MACROD2: variants seen among roughly 807,000 people sequenced by gnomAD.
MACROD2 encodes the protein ADP-ribose glycohydrolase MACROD2.
A neutral mutation model predicts 70.4 loss-of-function variants in MACROD2; 36 were observed. That is an observed-to-expected ratio of 0.51 (90% CI 0.39 to 0.68). The LOEUF (loss-of-function observed/expected upper bound fraction) is 0.68, where lower values mean the gene tolerates loss of function less well. Ranked by LOEUF, MACROD2 falls within the 30% of genes least tolerant of loss-of-function variation. The pLI is 0.00. For synonymous variants in MACROD2, 172 were observed against 178.8 expected (o/e 0.96, Z 0.30); for missense variants, 496 against 538.4 (o/e 0.92, Z 0.78).
At chr20:16,046,074 GC>G (rs542131484) in intron 17 of MACROD2, among the ~76,000 whole-genome samples, 10 of 152,032 alleles carry the variant, frequency 6.6e-5, no homozygotes, top group Non-Finnish European at 1.5e-4. Context: ...TGACACCCTT[GC>G]CCCCTGTACC....
chr20:14,865,247 A>C (rs387455), intron 5 of MACROD2, among the ~76,000 whole-genome samples: 1 of 151,916 alleles, frequency 6.6e-6, no homozygotes, highest in Non-Finnish European at 1.5e-5. Flanking sequence ...CCATGATGCT[A>C]TCTCCTGCCA....
intron 4 of MACROD2, among the ~76,000 whole-genome samples, chr20:14,590,610 CAT>C (rs2123375461): frequency 6.6e-6 from 1 of 152,232 alleles, no homozygotes; most frequent in Admixed American, 6.5e-5. Flanking sequence ...TTATTGTGGT[CAT>C]GTTACTATTT....
intron 8 of MACROD2, among the ~76,000 whole-genome samples, chr20:15,633,868 GT>G (rs1236954557): frequency 6.6e-6 from 1 of 152,138 alleles, no homozygotes; most frequent in African/African-American, 2.4e-5. Flanking sequence ...TGAATCTATT[GT>G]AAGAAAAAGT....
intron 3 of MACROD2, among the ~76,000 whole-genome samples, chr20:14,092,473 A>G (rs1339326594): frequency 6.6e-6 from 1 of 152,236 alleles, no homozygotes; most frequent in Non-Finnish European, 1.5e-5. Context: ...GTTGGATGAT[A>G]GTTAATTAGT....
intron 3 of MACROD2, among the ~76,000 whole-genome samples, chr20:14,450,540 C>A (rs1397021937): frequency 3.3e-5 from 5 of 152,038 alleles, no homozygotes; most frequent in Admixed American, 3.3e-4. Context: ...GTAAAAATCA[C>A]ATTGAGTTAA....
chr20:14,888,508 T>C (rs1323597193), intron 5 of MACROD2: 1 of 152,194 alleles, frequency 6.6e-6, no homozygotes, highest in Non-Finnish European at 1.5e-5. Flanking sequence ...TTTTACCACG[T>C]TTACATGACT....
intron 5 of MACROD2, among the ~76,000 whole-genome samples, chr20:15,174,840 T>G (rs1450147710): frequency 6.6e-6 from 1 of 152,192 alleles, no homozygotes; most frequent in Admixed American, 6.5e-5. Context: ...TTGCCCACTT[T>G]TTGATGGGGT....
At chr20:15,401,326 C>T (rs982813202) in intron 6 of MACROD2, among the ~76,000 whole-genome samples, 1 of 152,224 alleles carries the variant, frequency 6.6e-6, no homozygotes, top group Non-Finnish European at 1.5e-5. Context: ...GCGTGAGCCA[C>T]CACACCCAGC....
intron 17 of MACROD2, among the ~76,000 whole-genome samples, chr20:16,048,154 G>C (rs2067409629): frequency 6.6e-6 from 1 of 152,070 alleles, no homozygotes. Flanking sequence ...TTCTGCAAAA[G>C]AAAAACAAAT....
chr20:14,352,918 A>G (rs895279216), intron 3 of MACROD2, among the ~76,000 whole-genome samples: 1 of 152,290 alleles, frequency 6.6e-6, no homozygotes, highest in East Asian at 1.9e-4. Flanking sequence ...ATATGATAAT[A>G]AAGTTGAAAT....
chr20:15,147,991 G>A (rs1425261801), intron 5 of MACROD2, among the ~76,000 whole-genome samples: 1 of 152,124 alleles, frequency 6.6e-6, no homozygotes, highest in Non-Finnish European at 1.5e-5. Context: ...ATCTCTATGT[G>A]TATGTGCAGG....
intron 6 of MACROD2, among the ~76,000 whole-genome samples, chr20:15,263,306 G>A (rs1038212979): frequency 6.6e-6 from 1 of 151,482 alleles, no homozygotes; most frequent in Admixed American, 6.6e-5. Context: ...TGCAATGTTT[G>A]TTCTTGGCAC....
At chr20:15,443,830 A>T (rs902136426) in intron 7 of MACROD2, among the ~76,000 whole-genome samples, 3 of 152,178 alleles carry the variant, frequency 2.0e-5, no homozygotes, top group African/African-American at 7.2e-5. Context: ...CATACTCTGG[A>T]TTCAATAATT....
At chr20:15,011,806 C>A (rs981532122) in intron 5 of MACROD2, among the ~76,000 whole-genome samples, 1 of 152,144 alleles carries the variant, frequency 6.6e-6, no homozygotes, top group African/African-American at 2.4e-5. Context: ...CAGGGTTGGT[C>A]ATGTGTTTTT....
At chr20:15,305,320 C>T (rs2146135492) in intron 6 of MACROD2, among the ~76,000 whole-genome samples, 1 of 152,200 alleles carries the variant, frequency 6.6e-6, no homozygotes, top group Non-Finnish European at 1.5e-5. Flanking sequence ...TTCACTTACA[C>T]TGTCCTCTTT....
intron 2 of MACROD2, among the ~76,000 whole-genome samples, chr20:14,011,241 A>G (rs2052900530): frequency 6.6e-6 from 1 of 152,156 alleles, no homozygotes; most frequent in Non-Finnish European, 1.5e-5. Flanking sequence ...TCCTGATAGG[A>G]GCACAGCGTC....
intron 10 of MACROD2, among the ~76,000 whole-genome samples, chr20:15,902,918 G>A (rs1001289149): frequency 6.6e-6 from 1 of 152,050 alleles, no homozygotes; most frequent in African/African-American, 2.4e-5. Context: ...TATGAGTGTG[G>A]GAGTGAGCCT....
intron 6 of MACROD2, among the ~76,000 whole-genome samples, chr20:15,409,838 C>T (rs576130772): frequency 5.9e-5 from 9 of 152,172 alleles, no homozygotes; most frequent in Non-Finnish European, 1.2e-4. Context: ...TGAGAAGGCA[C>T]TGATGTACAT....
intron 4 of MACROD2, among the ~76,000 whole-genome samples, chr20:14,600,007 A>T (rs1475345180): frequency 1.3e-5 from 2 of 152,124 alleles, no homozygotes; most frequent in East Asian, 1.9e-4. Context: ...GTCACTAGGA[A>T]TTAAGAGGCT....
Sources: allele counts gnomAD v4.1 joint callset (sites outside exome capture counted in the v4.1 genomes callset), GRCh38; gene constraint gnomAD v4.1.1; transcripts MANE v1.5; gene names NCBI Gene and HGNC (gene_info 2026-07-23, HGNC 2026-07-21).